The following MIA variants were observed in gnomAD, a reference collection of about 807,000 sequenced individuals.
MIA encodes the protein MIA SH3 domain containing.
In MIA, 18 loss-of-function variants were observed where a neutral mutation model predicts 18.5. The ratio of observed to expected loss-of-function variants is 0.97; its 90% CI spans 0.67 to 1.44. The LOEUF (loss-of-function observed/expected upper bound fraction) is 1.44, where lower values mean the gene tolerates loss of function less well. Among genes scored for constraint, MIA ranks in the 40% most tolerant of loss-of-function variants. The probability of loss-of-function intolerance (pLI) is 0.00; values close to 1 mark genes in which losing one functional copy is unlikely to be tolerated. For missense variants in MIA, 158 were observed against 172.4 expected, an observed-to-expected ratio of 0.92 and a Z score of 0.47; for synonymous variants, 55 against 64.9, an observed-to-expected ratio of 0.85 and a Z score of 0.74.
rs754539868 is a variant in MIA, at chr19:40,777,356, C to T, written c.373-41C>T. 2.5e-6 allele frequency: 4 copies of T among 1,611,840 alleles called. No homozygotes were observed. In the East Asian group the frequency reaches 8.9e-5, roughly 36 times the overall value. On this transcript the variant is annotated intron_variant, in intron 3 of 3. Transcript: ENST00000263369. ...ACCACTAGATCCTTTGTGGTGTGACCGCTGGTTTTCTTTCCACTGTTTCCC... is the reference window on the plus strand; with the variant it reads ...ACCACTAGATCCTTTGTGGTGTGACTGCTGGTTTTCTTTCCACTGTTTCCC...
At chr19:40,776,933 C>T in intron 2 of MIA, 36 bp from the exon 3 acceptor site, 1 of 1,509,076 alleles carries the variant, frequency 6.6e-7, no homozygotes. Flanking sequence ...AGCTTGCCAT[C>T]TTCCCAGACC....
upstream of MIA, chr19:40,775,209 C>T (rs541514870): frequency 1.2e-5 from 3 of 251,038 alleles, no homozygotes; most frequent in African/African-American, 6.7e-5. Context: ...CGGAGGAGCC[C>T]AGGTACCTAA....
At position 40,777,188 on chromosome 19, in the gene MIA, T is replaced by C. The variant is rs2083003706; in HGVS notation, c.372+109T>C. 16 of 1,135,012 alleles carry C rather than the reference T, an allele frequency of 1.4e-5. No homozygotes were observed. In the South Asian group the frequency reaches 2.0e-4, roughly 14 times the overall value. The allele number at this position is 1,135,012 out of a possible 1,614,324, so 70.3% of individuals were successfully genotyped here. A position where few individuals can be genotyped will look rare whatever the true frequency, so the allele number is the denominator to read the frequency against. Reference sequence around the variant, plus strand: ...TCCCTGGCAGCCTAGGTATGTGCGCTGGGAGAAATTCTTTCCCTGCCTCAA... The same window carrying C: ...TCCCTGGCAGCCTAGGTATGTGCGCCGGGAGAAATTCTTTCCCTGCCTCAA... On this transcript the variant is annotated intron_variant, in intron 3 of 3. Transcript: ENST00000263369.
chr19:40,777,459 GC>G lies in MIA; in HGVS notation c.*40del. The G allele has an allele frequency of 1.9e-6, 3 of 1,604,546 alleles. No individual in the cohort carries two copies. The highest frequency in any genetic ancestry group is 2.6e-6 in the Non-Finnish European group (3 of 1,172,324). ...CTGGCCCTGCCGTTTCCCCTCCTTG[GC>G]TTTATGCAAATACAATCAGCCCAGT... On this transcript the variant is annotated 3_prime_UTR_variant, in exon 4 of 4. Coordinates refer to ENST00000263369, the MANE Select transcript of MIA (RefSeq NM_006533.4).
chr19:40,777,452 C>CTCCT lies in MIA; in HGVS notation c.*34_*37dup. ...CCTACCGCTGGCCCTGCCGTTTCCC[C>CTCCT]TCCTTGGCTTTATGCAAATACAATC... On this transcript the variant is annotated 3_prime_UTR_variant, in exon 4 of 4. Transcript: ENST00000263369. 1 of 1,609,294 alleles carries CTCCT rather than the reference C, an allele frequency of 6.2e-7. No individual in the cohort carries two copies. The highest frequency in any genetic ancestry group is 8.5e-7 in the Non-Finnish European group (1 of 1,175,972).
At chr19:40,777,350 T>C in intron 3 of MIA, 47 bp from the exon 4 acceptor site, 5 of 1,609,388 alleles carry the variant, frequency 3.1e-6, no homozygotes, top group African/African-American at 1.3e-5. Context: ...TCCTTTGTGG[T>C]GTGACCGCTG....
rs759697651 is a variant in MIA at position 40,777,077 on chromosome 19, G to A, written c.370G>A (p.Asp124Asn). The A allele has an allele frequency of 2.5e-6, 4 of 1,611,050 alleles. No homozygotes were observed. Among genetic ancestry groups the A allele is most frequent in the Non-Finnish European group, 3.4e-6 (4 of 1,178,696 alleles). ...LKPGKVDVKT[D>N]KWDFYCQ ...ACCTGGCAAAGTCGATGTGAAGACA[G>A]ACGTGAGTGTCATGGGGGCTGGCAA... is the stretch of plus-strand genomic sequence containing the variant. Residue 124 changes from aspartate to asparagine, a missense_variant and splice_region_variant, in exon 3 of 4, where the codon GAC (aspartate) becomes AAC (asparagine). Transcript: ENST00000263369.
intron 3 of MIA, 31 bp downstream of exon 3, chr19:40,777,110 G>A (rs371537565): frequency 1.3e-5 from 20 of 1,574,684 alleles, no homozygotes; most frequent in Middle Eastern, 2.2e-4. Flanking sequence ...CAAGAAATGT[G>A]GGGGGAGGAC....
At chr19:40,775,909 G>A (rs991241625) in intron 2 of MIA, 24 bp downstream of exon 2, 3 of 1,613,632 alleles carry the variant, frequency 1.9e-6, no homozygotes, top group Admixed American at 3.3e-5. Flanking sequence ...GAGTGAAAGA[G>A]GGAAGGGTAC....
At position 40,777,155 on chromosome 19, in the gene MIA, C is replaced by G. The variant is rs1482332058; in HGVS notation, c.372+76C>G. On this transcript the variant is annotated intron_variant, in intron 3 of 3. Transcript: ENST00000263369. ...GTGGGGATGGGCAAAAATGCTCCCA[C>G]ACTTGGCTCCCTGGCAGCCTAGGTA... The G allele has an allele frequency of 1.1e-5, 14 of 1,312,312 alleles. No individual in the cohort carries two copies. The East Asian group carries it at 2.8e-4, about 26-fold the overall frequency. 81.3% of individuals were successfully genotyped at this position (1,312,312 alleles called of 1,614,324 possible).
rs758933626 is a variant in MIA, at chr19:40,775,698, C to T, written c.127+29C>T. The stretch of plus-strand genomic sequence containing the variant: ...AGAATGGGGAGGGGAGAATTGGGGG[C>T]TTGGGCGTTAGCCTGTGTGGAGGGT... On this transcript the variant is annotated intron_variant, in intron 1 of 3. Transcript: ENST00000263369. The T allele has an allele frequency of 3.7e-6, 6 of 1,613,990 alleles. No homozygotes were observed. The African/African-American group carries it at 8.0e-5, about 22-fold the overall frequency.
chr19:40,775,300 T>C, upstream of MIA: 1 of 549,984 alleles, frequency 1.8e-6, no homozygotes, highest in Non-Finnish European at 3.2e-6. Flanking sequence ...GGGCTGTCAC[T>C]GGGAAAGTTG....
Position 40,775,584 on chromosome 19 carries a change from G to C in MIA, c.42G>C (p.Leu14=), listed in dbSNP as rs769307872. The C allele has an allele frequency of 6.2e-7, 1 of 1,614,190 alleles. No individual in the cohort carries two copies. ...TGTGCCTTGGTGTCATCATCTTGCTGTCTGCCTTCTCCGGACCTGGTGTCA... is the reference window on the plus strand; with the variant it reads ...TGTGCCTTGGTGTCATCATCTTGCTCTCTGCCTTCTCCGGACCTGGTGTCA... ...SLVCLGVIIL[L]SAFSGPGVRG... The change falls in exon 1 of 4, where the codon CTG becomes CTC. Residue 14 remains leucine, a synonymous_variant. Coordinates refer to ENST00000263369, the MANE Select transcript of MIA (RefSeq NM_006533.4).
chr19:40,775,433 G>C, upstream of MIA: 1 of 1,547,948 alleles, frequency 6.5e-7, no homozygotes, highest in South Asian at 1.2e-5. Context: ...ACTGGTTTAG[G>C]GCGGGGACAA....
At chr19:40,776,805 G>C (rs568442669) in intron 2 of MIA, 164 bp from the exon 3 acceptor site, 9 of 568,762 alleles carry the variant, frequency 1.6e-5, no homozygotes, top group African/African-American at 1.5e-4. Context: ...GACTTACTTG[G>C]GTGTTCAGAA....
At chr19:40,777,190 G>A in intron 3 of MIA, 111 bp downstream of exon 3, 1 of 1,135,802 alleles carries the variant, frequency 8.8e-7, no homozygotes, top group Non-Finnish European at 1.3e-6. Flanking sequence ...ATGTGCGCTG[G>A]GAGAAATTCT....
chr19:40,776,045 G>T (rs112887231), intron 2 of MIA, among the ~76,000 whole-genome samples, 160 bp downstream of exon 2: 2,162 of 151,878 alleles, frequency 0.014, 67 homozygotes, highest in African/African-American at 0.05. Context: ...AATTTTTTCC[G>T]AGACAGAGTC....
At chr19:40,775,428 T>C (rs551854329), upstream of MIA, 9 of 1,532,692 alleles carry the variant, frequency 5.9e-6, no homozygotes, top group African/African-American at 8.2e-5. Flanking sequence ...TTGGGACTGG[T>C]TTAGGGCGGG....
chr19:40,775,494 A>T, upstream of MIA: 1 of 1,611,354 alleles, frequency 6.2e-7, no homozygotes, highest in Non-Finnish European at 8.5e-7. Context: ...AGGGGAGGAA[A>T]TTGGAGACCC....
Sources: allele counts gnomAD v4.1 joint callset (sites outside exome capture counted in the v4.1 genomes callset), GRCh38; gene constraint gnomAD v4.1.1; transcripts MANE v1.5; gene names NCBI Gene and HGNC (gene_info 2026-07-23, HGNC 2026-07-21).